COL4A3: variants seen among roughly 807,000 people sequenced by gnomAD.
COL4A3 encodes collagen type IV alpha 3 chain, also known as collagen alpha-3(IV) chain.
A neutral mutation model predicts 217.4 loss-of-function variants in COL4A3; 135 were observed. The ratio of observed to expected loss-of-function variants is 0.62; its 90% CI spans 0.54 to 0.72. The LOEUF (loss-of-function observed/expected upper bound fraction) is 0.72, where lower values mean the gene tolerates loss of function less well. Among genes scored for constraint, COL4A3 ranks in the 30% least tolerant of loss-of-function variants. The pLI is 0.00. For missense variants in COL4A3, 1,868 were observed against 2,119.9 expected, an observed-to-expected ratio of 0.88 and a Z score of 2.33; for synonymous variants, 690 against 736.3, an observed-to-expected ratio of 0.94 and a Z score of 1.02.
In COL4A3 at chr2:227,289,216, T is replaced by G; in HGVS notation, c.2948T>G (p.Leu983Arg). ...GVPGMPGLKGLKGLPGPAGPP... is the reference protein window; with the variant it reads ...GVPGMPGLKGRKGLPGPAGPP... ...CCAGGGATGCCAGGTTTAAAGGGCC[T>G]CAAAGGACTACCCGGACCAGCAGGA... Residue 983 changes from leucine to arginine, a missense_variant, in exon 35 of 52, where the codon CTC (leucine) becomes CGC (arginine). By Grantham distance (102) the Leu-to-Arg change is moderately radical (BLOSUM62 -2). Transcript: ENST00000396578. The G allele has an allele frequency of 6.2e-7, 1 of 1,613,838 alleles. No homozygotes were observed. The highest frequency in any genetic ancestry group is 8.5e-7 in the Non-Finnish European group (1 of 1,179,896).
At chr2:227,299,854 C>T (rs536487613) in intron 43 of COL4A3, among the ~76,000 whole-genome samples, 14 of 152,252 alleles carry the variant, frequency 9.2e-5, no homozygotes, top group South Asian at 2.1e-4. Context: ...AGTCCAGTGA[C>T]GGAATCTTCA....
intron 19 of COL4A3, 87 bp from the exon 20 acceptor site, chr2:227,260,995 T>C: frequency 9.8e-7 from 1 of 1,015,770 alleles, no homozygotes; most frequent in South Asian, 1.3e-5. Context: ...TTATTAACTA[T>C]CAGTATATTG....
chr2:227,180,786 G>A (rs2065845795), intron 1 of COL4A3, among the ~76,000 whole-genome samples: 1 of 152,162 alleles, frequency 6.6e-6, no homozygotes, highest in African/African-American at 2.4e-5. Context: ...ACTGAGACAG[G>A]AATGAGATTC....
At chr2:227,231,415 G>T (rs2125859947) in intron 1 of COL4A3, among the ~76,000 whole-genome samples, 2 of 152,154 alleles carry the variant, frequency 1.3e-5, no homozygotes, top group Admixed American at 6.5e-5. Flanking sequence ...TATTTATGGG[G>T]TACATGAGAT....
chr2:227,245,935 A>C lies in COL4A3; in HGVS notation c.325-19A>C. The C allele has an allele frequency of 6.2e-7, 1 of 1,610,220 alleles. No individual in the cohort carries two copies. ...TTTCTTGGGATGACCCTCCTCATTG[A>C]GACTTGTTCTTCTTCCAGGGCACCC... On this transcript the variant is annotated intron_variant, in intron 5 of 51. Transcript: ENST00000396578.
intron 1 of COL4A3, among the ~76,000 whole-genome samples, chr2:227,192,994 T>A (rs1264333229): frequency 6.6e-6 from 1 of 152,174 alleles, no homozygotes. Flanking sequence ...CACTCTAAGC[T>A]TTCTAAATGC....
intron 20 of COL4A3, among the ~76,000 whole-genome samples, chr2:227,262,828 C>T (rs1305214745): frequency 6.6e-6 from 1 of 151,930 alleles, no homozygotes; most frequent in East Asian, 1.9e-4. Flanking sequence ...TTAATGGGTA[C>T]AAGCATACAG....
At chr2:227,279,370 G>C (rs2071798683) in intron 28 of COL4A3, 1 of 155,236 alleles carries the variant, frequency 6.4e-6, no homozygotes, top group Non-Finnish European at 1.4e-5. Context: ...ACCCACCTTG[G>C]CCTCCCAAAG....
chr2:227,267,905 C>T (rs923072962), intron 23 of COL4A3, among the ~76,000 whole-genome samples: 9 of 152,318 alleles, frequency 5.9e-5, no homozygotes, highest in East Asian at 1.9e-4. Context: ...CCACACCACA[C>T]GGTTACTCCC....
chr2:227,231,716 G>A (rs1230172745), intron 1 of COL4A3, among the ~76,000 whole-genome samples: 1 of 152,142 alleles, frequency 6.6e-6, no homozygotes, highest in Non-Finnish European at 1.5e-5. Flanking sequence ...TTTCTTTGTA[G>A]AGATGGGGTT....
chr2:227,241,170 G>A (rs1308272077), intron 3 of COL4A3, among the ~76,000 whole-genome samples: 1 of 152,102 alleles, frequency 6.6e-6, no homozygotes, highest in African/African-American at 2.4e-5. Flanking sequence ...TACCATAGAG[G>A]ATTTACTAAA....
intron 1 of COL4A3, among the ~76,000 whole-genome samples, chr2:227,168,851 A>G (rs1207797059): frequency 2.0e-5 from 3 of 151,840 alleles, no homozygotes; most frequent in Middle Eastern, 3.2e-3. Flanking sequence ...AACATTTTCA[A>G]TCAAATAGTA....
At chr2:227,246,365 G>T (rs1000265228) in intron 6 of COL4A3, 2 of 500,344 alleles carry the variant, frequency 4.0e-6, no homozygotes, top group Non-Finnish European at 7.2e-6. Context: ...TTTTGTTTTC[G>T]AACTGAGCTC....
intron 1 of COL4A3, among the ~76,000 whole-genome samples, chr2:227,176,218 G>A (rs962691055): frequency 1.6e-4 from 25 of 152,264 alleles, no homozygotes; most frequent in African/African-American, 5.3e-4. Context: ...ACATATGGAA[G>A]GTTAAAAATC....
intron 18 of COL4A3, among the ~76,000 whole-genome samples, chr2:227,258,853 C>T (rs779315792): frequency 6.6e-6 from 1 of 152,032 alleles, no homozygotes; most frequent in Non-Finnish European, 1.5e-5. Context: ...GGTAGGTGCA[C>T]GCATATCATT....
At chr2:227,216,227 A>G (rs1426438153) in intron 1 of COL4A3, among the ~76,000 whole-genome samples, 1 of 152,242 alleles carries the variant, frequency 6.6e-6, no homozygotes, top group Non-Finnish European at 1.5e-5. Flanking sequence ...AAATTTGGCA[A>G]GGTGCATCCT....
chr2:227,166,241 A>G (rs1311448153), intron 1 of COL4A3, among the ~76,000 whole-genome samples: 1 of 152,262 alleles, frequency 6.6e-6, no homozygotes, highest in Non-Finnish European at 1.5e-5. Flanking sequence ...GTTCTAACAA[A>G]AATGCACTTT....
At chr2:227,195,665 A>ATGTGTGTGTGTGTGTGTGTG (rs769877364) in intron 1 of COL4A3, among the ~76,000 whole-genome samples, 19 of 129,106 alleles carry the variant, frequency 1.5e-4, no homozygotes, top group East Asian at 8.6e-4. Context: ...ATATATATAT[A>ATGTGTGTGTGTGTGTGTGTG]TATGTGTGTG....
At chr2:227,260,934 T>C in intron 19 of COL4A3, 148 bp from the exon 20 acceptor site, 1 of 661,750 alleles carries the variant, frequency 1.5e-6, no homozygotes, top group Non-Finnish European at 2.7e-6. Flanking sequence ...TAAGTGAAAA[T>C]TTCTGATATT....
Sources: allele counts gnomAD v4.1 joint callset (sites outside exome capture counted in the v4.1 genomes callset), GRCh38; gene constraint gnomAD v4.1.1; transcripts MANE v1.5; gene names NCBI Gene and HGNC (gene_info 2026-07-23, HGNC 2026-07-21).